ACVR1B: variants seen among roughly 807,000 people sequenced by gnomAD.
ACVR1B encodes activin receptor type-1B.
A neutral mutation model predicts 55.6 loss-of-function variants in ACVR1B; 15 were observed. The ratio of observed to expected loss-of-function variants is 0.27; its 90% CI spans 0.18 to 0.42. ACVR1B has a LOEUF of 0.42. Ranked by LOEUF, ACVR1B falls within the 10% of genes least tolerant of loss-of-function variation. The pLI, the probability that ACVR1B is intolerant of heterozygous loss-of-function variation, is 1.00. For synonymous variants in ACVR1B, 247 were observed against 254.6 expected, an observed-to-expected ratio of 0.97 and a Z score of 0.28; for missense variants, 359 against 670.1, an observed-to-expected ratio of 0.54 and a Z score of 5.13.
rs765101220 is a variant in ACVR1B at position 51,985,239 on chromosome 12, G to A, written c.1027G>A (p.Val343Met). Residue 343 changes from valine (V) to methionine (M), a missense_variant, in exon 6 of 9, where the codon GTG becomes ATG. Coordinates refer to ENST00000257963, the MANE Select transcript of ACVR1B (RefSeq NM_004302.5). ...AGACTTAAAGTCAAAGAACATTCTG[G>A]TGAAGAAAAATGGCATGTGTGCCAT... ...HRDLKSKNIL[V>M]KKNGMCAIAD... 2 of 1,613,858 alleles carry A rather than the reference G, an allele frequency of 1.2e-6. No individual in the cohort carries two copies. Among genetic ancestry groups the A allele is most frequent in the Non-Finnish European group, 1.7e-6 (2 of 1,179,880 alleles).
Position 51,994,339 on chromosome 12 carries a change from T to G in ACVR1B, c.*229T>G. 1 of 512,166 alleles carries G rather than the reference T, an allele frequency of 2.0e-6. No individual in the cohort carries two copies. Among genetic ancestry groups the G allele is most frequent in the Non-Finnish European group, 3.5e-6 (1 of 288,744 alleles). The allele number at this position is 512,166 out of a possible 1,614,324, so 31.7% of individuals were successfully genotyped here. A position where few individuals can be genotyped will look rare whatever the true frequency, so the allele number is the denominator to read the frequency against. ...ATGGCATGGAGACTCTGAGAGCGAA[T>G]TGTGTGGAGAACTCAGTGCCACACC... On this transcript the variant is annotated 3_prime_UTR_variant, in exon 9 of 9. Coordinates refer to ENST00000257963, the MANE Select transcript of ACVR1B (RefSeq NM_004302.5). The surrounding 1 kb of genome is among the most constrained non-coding windows in gnomAD (Gnocchi z 4.2).
chr12:51,986,549 C>T (rs1037951531), intron 6 of ACVR1B, among the ~76,000 whole-genome samples: 10 of 152,160 alleles, frequency 6.6e-5, no homozygotes, highest in Non-Finnish European at 1.2e-4. Flanking sequence ...CGTGAGCCAC[C>T]GCACCTGGCC....
intron 1 of ACVR1B, among the ~76,000 whole-genome samples, chr12:51,974,570 C>G (rs1198066549): frequency 1.3e-5 from 2 of 152,216 alleles, no homozygotes; most frequent in Non-Finnish European, 1.5e-5. Context: ...ATCCAGGGGC[C>G]TTTCAGGATG....
chr12:51,989,939 C>G (rs532657301), intron 7 of ACVR1B, among the ~76,000 whole-genome samples: 19 of 152,032 alleles, frequency 1.2e-4, no homozygotes, highest in African/African-American at 4.1e-4. Context: ...AAGCCGAGAT[C>G]GTGCCACTGC....
chr12:51,972,474 C>T (rs546906061), intron 1 of ACVR1B, among the ~76,000 whole-genome samples: 1 of 152,226 alleles, frequency 6.6e-6, no homozygotes, highest in Non-Finnish European at 1.5e-5. Context: ...AGGTTTCTAG[C>T]CTAGGAGCAA....
chr12:51,976,581 A>C lies in ACVR1B; in HGVS notation c.580+6A>C. Reference sequence around the variant, plus strand: ...CACCTCAGGGTCTGGCTCAGGTACCAAGTTCTTCAGGGCATCATGTCTGTG... The same window carrying C: ...CACCTCAGGGTCTGGCTCAGGTACCCAGTTCTTCAGGGCATCATGTCTGTG... On this transcript the variant is annotated splice_donor_region_variant and intron_variant, in intron 3 of 8. Coordinates refer to ENST00000257963, the MANE Select transcript of ACVR1B (RefSeq NM_004302.5). 1 of 1,612,382 alleles carries C rather than the reference A, an allele frequency of 6.2e-7. No homozygotes were observed. The highest frequency in any genetic ancestry group is 8.5e-7 in the Non-Finnish European group (1 of 1,179,846).
At chr12:51,982,877 A>T in intron 4 of ACVR1B, 1 of 1,380,546 alleles carries the variant, frequency 7.2e-7, no homozygotes, top group Non-Finnish European at 9.4e-7. Context: ...TAAAAGGATC[A>T]AATCATGTCT....
chr12:51,961,677 A>G (rs1182795966), intron 1 of ACVR1B, among the ~76,000 whole-genome samples: 2 of 152,182 alleles, frequency 1.3e-5, no homozygotes, highest in Admixed American at 6.5e-5. Context: ...ATTCGTCCAT[A>G]CTATAATAAA....
At chr12:51,971,349 A>G (rs1334743280) in intron 1 of ACVR1B, among the ~76,000 whole-genome samples, 1 of 152,204 alleles carries the variant, frequency 6.6e-6, no homozygotes, top group Non-Finnish European at 1.5e-5. Flanking sequence ...GTTAATGACA[A>G]AAGTCTATGC....
At chr12:51,968,116 A>G (rs1941676179) in intron 1 of ACVR1B, among the ~76,000 whole-genome samples, 1 of 152,206 alleles carries the variant, frequency 6.6e-6, no homozygotes, top group African/African-American at 2.4e-5. Flanking sequence ...GGTGCCTGTA[A>G]TCCCAGCAAC....
chr12:51,953,422 T>C (rs1235308261), intron 1 of ACVR1B: 1 of 985,382 alleles, frequency 1.0e-6, no homozygotes, highest in East Asian at 1.1e-4. Flanking sequence ...TCGGCCTCAC[T>C]GCTCTGTGGC....
intron 7 of ACVR1B, among the ~76,000 whole-genome samples, chr12:51,991,313 C>T (rs563177188): frequency 6.6e-6 from 1 of 152,236 alleles, no homozygotes; most frequent in Admixed American, 6.5e-5. Context: ...AAGTTGGTGC[C>T]TTTTGATGTG....
intron 1 of ACVR1B, among the ~76,000 whole-genome samples, chr12:51,965,910 T>C (rs1941630758): frequency 6.6e-6 from 1 of 152,236 alleles, no homozygotes; most frequent in South Asian, 2.1e-4. Context: ...AAATTTCAAG[T>C]AGTCTGGAAG....
Position 51,975,467 on chromosome 12 carries a change from T to C in ACVR1B, c.294T>C (p.Thr98=). ...TGCGCAACACCCACTGCTGCTACAC[T>C]GACTACTGCAACAGGATCGACTTGA... ...EDLRNTHCCY[T]DYCNRIDLRV... The change falls in exon 2 of 9, where the codon ACT becomes ACC. Residue 98 remains threonine (T), a synonymous_variant. Transcript: ENST00000257963. 1 of 1,614,232 alleles carries C rather than the reference T, an allele frequency of 6.2e-7. No individual in the cohort carries two copies. Among genetic ancestry groups the C allele is most frequent in the South Asian group, 1.1e-5 (1 of 91,092 alleles).
chr12:51,992,759 GC>G (rs1467934997), intron 8 of ACVR1B, among the ~76,000 whole-genome samples: 1 of 152,214 alleles, frequency 6.6e-6, no homozygotes, highest in Non-Finnish European at 1.5e-5. Flanking sequence ...GTATGACAGG[GC>G]TGGGATTGGG....
chr12:51,994,266 C>A lies in ACVR1B; in HGVS notation c.*156C>A. The A allele has an allele frequency of 9.6e-7, 1 of 1,044,254 alleles. No individual in the cohort carries two copies. Among genetic ancestry groups the A allele is most frequent in the Non-Finnish European group, 1.4e-6 (1 of 729,240 alleles). 64.7% of individuals were successfully genotyped at this position (1,044,254 alleles called of 1,614,324 possible). ...GGACAGAGCCCGGGAGAGACTCGCT[C>A]ACTCCCATGTTGGGTTTGAGACAGA... On this transcript the variant is annotated 3_prime_UTR_variant, in exon 9 of 9. Coordinates refer to ENST00000257963, the MANE Select transcript of ACVR1B (RefSeq NM_004302.5). The surrounding 1 kb of genome is among the most constrained non-coding windows in gnomAD (Gnocchi z 4.2).
At chr12:51,963,130 G>C (rs541690930) in intron 1 of ACVR1B, among the ~76,000 whole-genome samples, 2 of 152,112 alleles carry the variant, frequency 1.3e-5, no homozygotes, top group African/African-American at 4.8e-5. Flanking sequence ...AGCAAAATAC[G>C]TATAACATAA....
rs377740431 is a variant in ACVR1B at position 51,986,959 on chromosome 12, C to G, written c.1261+17C>G. On this transcript the variant is annotated intron_variant, in intron 7 of 8. Coordinates refer to ENST00000257963, the MANE Select transcript of ACVR1B (RefSeq NM_004302.5). ...ATTCTGGAGGTACCTTTCTTTTTTG[C>G]CTTTGCTCCTACCTCCCATTCCAGG... 6.2e-7 allele frequency: 1 copy of G among 1,614,064 alleles called. No individual in the cohort carries two copies. The highest frequency in any genetic ancestry group is 8.5e-7 in the Non-Finnish European group (1 of 1,179,982).
At chr12:51,983,375 T>G (rs1942017053) in intron 4 of ACVR1B, among the ~76,000 whole-genome samples, 1 of 152,232 alleles carries the variant, frequency 6.6e-6, no homozygotes, top group African/African-American at 2.4e-5. Flanking sequence ...TACTTGGAAG[T>G]GGTCTATTCA....
Sources: gnomAD v4.1 joint callset for allele counts (sites outside exome capture counted in the v4.1 genomes callset) on GRCh38, gnomAD v4.1.1 for gene constraint, Gnocchi (gnomAD v3.1) non-coding constraint, MANE v1.5 for transcripts, NCBI Gene and HGNC (gene_info 2026-07-23, HGNC 2026-07-21) for gene names.